Variants in RGS7 observed in about 807,000 individuals in gnomAD.
RGS7 encodes regulator of G protein signaling 7.
A neutral mutation model predicts 81.1 loss-of-function variants in RGS7; 27 were observed. That is an observed-to-expected ratio of 0.33 (90% CI 0.25 to 0.46). The LOEUF (loss-of-function observed/expected upper bound fraction) is 0.46. Ranked by LOEUF, RGS7 falls within the 20% of genes least tolerant of loss-of-function variation. The probability of loss-of-function intolerance (pLI) is 1.00; values close to 1 mark genes in which losing one functional copy is unlikely to be tolerated. For synonymous variants in RGS7, 208 were observed against 207.7 expected, an observed-to-expected ratio of 1.00 and a Z score of -0.01; for missense variants, 396 against 607.4, an observed-to-expected ratio of 0.65 and a Z score of 3.66.
At chr1:241,070,292 C>T (rs1051022684) in intron 3 of RGS7, among the ~76,000 whole-genome samples, 3 of 142,008 alleles carry the variant, frequency 2.1e-5, no homozygotes, top group Non-Finnish European at 4.5e-5. Context: ...ACCCAAATAA[C>T]TTGTGGAATT....
At position 240,775,953 on chromosome 1, in the gene RGS7, T is replaced by C; in HGVS notation, c.*267A>G. ...AGGAAGAGACACAGATCCAGCATAG[T>C]AGAAGGAGAAAGAAAGCAGACAACA... On this transcript the variant is annotated 3_prime_UTR_variant, in exon 19 of 19. Transcript: ENST00000440928. 2 of 586,400 alleles carry C rather than the reference T, an allele frequency of 3.4e-6. No individual in the cohort carries two copies. Among genetic ancestry groups the C allele is most frequent in the Non-Finnish European group, 6.2e-6 (2 of 320,214 alleles). The allele number at this position is 586,400 out of a possible 1,614,324, so 36.3% of individuals were successfully genotyped here. A position where few individuals can be genotyped will look rare whatever the true frequency, so the allele number is the denominator to read the frequency against.
intron 3 of RGS7, 46 bp downstream of exon 3, chr1:241,098,620 C>T (rs778672077): frequency 4.7e-6 from 6 of 1,269,696 alleles, no homozygotes; most frequent in Non-Finnish European, 6.9e-6. Flanking sequence ...AAAGAGTTAT[C>T]TAAGAGGTAC....
chr1:241,109,174 G>A (rs867439805), intron 2 of RGS7, among the ~76,000 whole-genome samples: 3 of 152,090 alleles, frequency 2.0e-5, no homozygotes, highest in Non-Finnish European at 2.9e-5. Flanking sequence ...TCATTCTAGC[G>A]TTATAACTTG....
In RGS7 at chr1:241,271,670, C is replaced by T. The variant is rs1048649794; in HGVS notation, c.78+84029G>A. On this transcript the variant is annotated intron_variant, in intron 2 of 18. Transcript: ENST00000440928. This position sits in a 1 kb window ranked among gnomAD's most constrained non-coding sequence, Gnocchi z 4.6. ...TTATCCAACCTGTTGAGGGCCTGAA[C>T]AGAACAGAAAGGTGGAAGAAGTAAG... is the stretch of plus-strand genomic sequence containing the variant. Among the ~76,000 whole-genome samples the T allele has an allele frequency of 6.6e-5, 10 of 152,188 alleles. No homozygotes were observed. The highest frequency in any genetic ancestry group is 2.4e-4 in the African/African-American group (10 of 41,446).
intron 6 of RGS7, among the ~76,000 whole-genome samples, chr1:240,878,494 T>TC (rs1665843843): frequency 6.7e-6 from 1 of 150,222 alleles, no homozygotes; most frequent in East Asian, 1.9e-4. Context: ...TCTTTCTTTT[T>TC]TTTTTTTTTT....
intron 3 of RGS7, among the ~76,000 whole-genome samples, chr1:241,048,480 C>T (rs2061067566): frequency 6.6e-6 from 1 of 152,142 alleles, no homozygotes. Context: ...GGCCTTCCAG[C>T]CTCTCACCCA....
chr1:241,334,725 G>T (rs1229763718), intron 2 of RGS7, among the ~76,000 whole-genome samples: 2 of 151,858 alleles, frequency 1.3e-5, no homozygotes, highest in Non-Finnish European at 2.9e-5. Flanking sequence ...TTTGAATGCG[G>T]TGACCATTCC....
At chr1:240,939,738 C>T (rs890112306) in intron 4 of RGS7, among the ~76,000 whole-genome samples, 4 of 151,150 alleles carry the variant, frequency 2.6e-5, no homozygotes, top group Admixed American at 6.6e-5. Flanking sequence ...AAGAAAATAG[C>T]TCTTATCACC....
chr1:241,187,798 G>T (rs1469230602), intron 2 of RGS7, among the ~76,000 whole-genome samples: 5 of 152,184 alleles, frequency 3.3e-5, no homozygotes, highest in African/African-American at 1.2e-4. Flanking sequence ...TCACCTTGAA[G>T]CATGTTTGTT....
intron 2 of RGS7, among the ~76,000 whole-genome samples, chr1:241,125,237 C>T (rs1342286625): frequency 6.6e-6 from 1 of 152,188 alleles, no homozygotes; most frequent in Non-Finnish European, 1.5e-5. Flanking sequence ...AGTCCAAACT[C>T]AGTTCTTCCA....
rs77231665 is a variant in RGS7 at position 241,263,845 on chromosome 1, A to G, written c.78+91854T>C. On this transcript the variant is annotated intron_variant, in intron 2 of 18. Coordinates refer to ENST00000440928, the MANE Select transcript of RGS7 (RefSeq NM_001364886.1). ...TGACATTGCAAACTCTGGGGACCAGAAAGAGGGAACCAGGCCTGGGTGCTC... is the reference window on the plus strand; with the variant it reads ...TGACATTGCAAACTCTGGGGACCAGGAAGAGGGAACCAGGCCTGGGTGCTC... Among the ~76,000 whole-genome samples the G allele has an allele frequency of 9.1e-3, 1,392 of 152,314 alleles. 128 individuals carry two copies. In the East Asian group the frequency reaches 0.22, roughly 24 times the overall value.
At chr1:241,327,110 GAAAGAAAGAA>G (rs1191746898) in intron 2 of RGS7, among the ~76,000 whole-genome samples, 2 of 99,934 alleles carry the variant, frequency 2.0e-5, no homozygotes, top group Non-Finnish European at 2.1e-5. Context: ...AAGAAAGAAA[GAAAGAAAGAA>G]AGAAAGAAAG....
intron 2 of RGS7, among the ~76,000 whole-genome samples, chr1:241,316,756 G>A (rs574576915): frequency 6.6e-6 from 1 of 152,040 alleles, no homozygotes; most frequent in Admixed American, 6.5e-5. Context: ...TTTTGTATTG[G>A]GTTAATGCTG....
At chr1:241,125,765 C>T (rs969891162) in intron 2 of RGS7, among the ~76,000 whole-genome samples, 2 of 152,204 alleles carry the variant, frequency 1.3e-5, no homozygotes, top group African/African-American at 4.8e-5. Context: ...CAGCCTGGGG[C>T]TGAGATACTC....
chr1:241,293,409 G>A lies in RGS7; in HGVS notation c.78+62290C>T, dbSNP rs542370944. On this transcript the variant is annotated intron_variant, in intron 2 of 18. Transcript: ENST00000440928. ...AATAAGTTAATTATAAAACAGCTTC[G>A]GGAAGTTCCTTCAGGAGGTATTCCA... Among the ~76,000 whole-genome samples the A allele has an allele frequency of 1.0e-3, 158 of 152,034 alleles. 5 individuals are homozygous for A. In the South Asian group the frequency reaches 0.031, roughly 29 times the overall value.
intron 6 of RGS7, among the ~76,000 whole-genome samples, chr1:240,878,913 T>C (rs996865426): frequency 1.3e-5 from 2 of 152,228 alleles, no homozygotes; most frequent in Admixed American, 6.5e-5. Context: ...TACACAAGTT[T>C]TTTTTCTTTT....
At chr1:240,825,008 G>A (rs1692548608) in intron 10 of RGS7, among the ~76,000 whole-genome samples, 2 of 152,254 alleles carry the variant, frequency 1.3e-5, no homozygotes, top group South Asian at 2.1e-4. Flanking sequence ...TCTAGTTTCC[G>A]TAACTATGAG....
intron 2 of RGS7, among the ~76,000 whole-genome samples, chr1:241,309,386 CAAA>C (rs71571833): frequency 1.2e-5 from 1 of 85,280 alleles, no homozygotes; most frequent in Admixed American, 1.4e-4. Flanking sequence ...AACTCCAACT[CAAA>C]AAAAAAAAAA....
At chr1:241,235,206 A>T (rs1182520006) in intron 2 of RGS7, among the ~76,000 whole-genome samples, 1 of 152,228 alleles carries the variant, frequency 6.6e-6, no homozygotes, top group Non-Finnish European at 1.5e-5. Context: ...GATTCCACAG[A>T]TGAAAAAGCT....
Sources: gnomAD v4.1 joint callset for allele counts (sites outside exome capture counted in the v4.1 genomes callset) on GRCh38, gnomAD v4.1.1 for gene constraint, Gnocchi (gnomAD v3.1) non-coding constraint, MANE v1.5 for transcripts, NCBI Gene and HGNC (gene_info 2026-07-23, HGNC 2026-07-21) for gene names.